EPM2A: variants seen among roughly 807,000 people sequenced by gnomAD.
EPM2A encodes laforin.
In EPM2A, 21 loss-of-function variants were observed where a neutral mutation model predicts 26.5. That is an observed-to-expected ratio of 0.79 (90% CI 0.56 to 1.14). The LOEUF is 1.14. EPM2A is among the 50% of genes most tolerant of loss of function. The probability of loss-of-function intolerance (pLI) is 0.00; values close to 1 mark genes in which losing one functional copy is unlikely to be tolerated. For missense variants in EPM2A, 458 were observed against 440.8 expected, an observed-to-expected ratio of 1.04 and a Z score of -0.35; for synonymous variants, 217 against 177.6, an observed-to-expected ratio of 1.22 and a Z score of -1.76.
intron 4 of EPM2A, among the ~76,000 whole-genome samples, chr6:145,475,977 C>T (rs1475762276): frequency 6.6e-6 from 1 of 151,864 alleles, no homozygotes; most frequent in Non-Finnish European, 1.5e-5. Flanking sequence ...AATCAAAAGA[C>T]AGAGACTGGT....
chr6:145,563,403 T>C (rs545375884), intron 2 of EPM2A, among the ~76,000 whole-genome samples: 1 of 151,812 alleles, frequency 6.6e-6, no homozygotes, highest in South Asian at 2.1e-4. Context: ...TGAAAGTCCT[T>C]GAATGTTTGA....
At chr6:145,579,499 A>G (rs980186005) in intron 2 of EPM2A, among the ~76,000 whole-genome samples, 1 of 152,234 alleles carries the variant, frequency 6.6e-6, no homozygotes, top group African/African-American at 2.4e-5. Flanking sequence ...TGAAATTAAC[A>G]TAGCTACTAC....
intron 2 of EPM2A, chr6:145,670,871 T>A (rs2128598904): frequency 5.1e-6 from 5 of 982,724 alleles, no homozygotes; most frequent in Middle Eastern, 5.2e-4. Context: ...CTTAGAGAAC[T>A]CTCACACGCC....
chr6:145,494,262 T>A (rs561788549), intron 4 of EPM2A, among the ~76,000 whole-genome samples: 6 of 152,312 alleles, frequency 3.9e-5, no homozygotes, highest in African/African-American at 1.4e-4. Flanking sequence ...GTTTCCAGTT[T>A]ATGTGTATAG....
chr6:145,661,885 A>C (rs1778735958), intron 2 of EPM2A, among the ~76,000 whole-genome samples: 1 of 152,148 alleles, frequency 6.6e-6, no homozygotes, highest in Non-Finnish European at 1.5e-5. Flanking sequence ...TTTCACATTC[A>C]CTGCATCTCT....
At chr6:145,474,455 C>T (rs572923893) in intron 4 of EPM2A, among the ~76,000 whole-genome samples, 2 of 152,088 alleles carry the variant, frequency 1.3e-5, no homozygotes, top group South Asian at 4.2e-4. Context: ...GAGAGAGACT[C>T]CATCTCAAAA....
At chr6:145,590,347 C>T (rs747801210) in intron 2 of EPM2A, among the ~76,000 whole-genome samples, 71 of 152,074 alleles carry the variant, frequency 4.7e-4, no homozygotes, top group South Asian at 1.5e-3. Context: ...AAAGATTTTA[C>T]CAGAGCCTAA....
chr6:145,440,955 C>G (rs1354045759), intron 4 of EPM2A, among the ~76,000 whole-genome samples: 1 of 152,192 alleles, frequency 6.6e-6, no homozygotes, highest in Non-Finnish European at 1.5e-5. Flanking sequence ...GATTGTGCCC[C>G]TCTTCTCACA....
intron 4 of EPM2A, among the ~76,000 whole-genome samples, chr6:145,465,649 T>A (rs1335159824): frequency 6.6e-6 from 1 of 151,808 alleles, no homozygotes; most frequent in Non-Finnish European, 1.5e-5. Context: ...GGGTTTTTGG[T>A]GTGGATGTCC....
intron 2 of EPM2A, among the ~76,000 whole-genome samples, chr6:145,673,134 A>G (rs2128601255): frequency 6.6e-6 from 1 of 152,320 alleles, no homozygotes; most frequent in Non-Finnish European, 1.5e-5. Flanking sequence ...TAAAATTAAA[A>G]AAAAAAACAA....
At chr6:145,677,880 T>A (rs1173053332) in intron 2 of EPM2A, among the ~76,000 whole-genome samples, 1 of 152,116 alleles carries the variant, frequency 6.6e-6, no homozygotes, top group African/African-American at 2.4e-5. Flanking sequence ...TTAAATGCCA[T>A]CCCCATCAAG....
chr6:145,643,678 T>C (rs1157133314), intron 2 of EPM2A, among the ~76,000 whole-genome samples: 1 of 152,076 alleles, frequency 6.6e-6, no homozygotes, highest in Non-Finnish European at 1.5e-5. Flanking sequence ...CAAAAATGAA[T>C]TTAGAAAACA....
chr6:145,591,915 T>C (rs1266884218), intron 2 of EPM2A, among the ~76,000 whole-genome samples: 1 of 151,792 alleles, frequency 6.6e-6, no homozygotes, highest in Non-Finnish European at 1.5e-5. Flanking sequence ...AAAAAGAAAC[T>C]GGGAATATTC....
chr6:145,523,047 T>C (rs1158917252), intron 2 of EPM2A, among the ~76,000 whole-genome samples: 1 of 152,202 alleles, frequency 6.6e-6, no homozygotes, highest in Non-Finnish European at 1.5e-5. Context: ...AAGCATCCTA[T>C]TCTTATCTAT....
intron 2 of EPM2A, among the ~76,000 whole-genome samples, chr6:145,685,053 T>C (rs1399628328): frequency 6.6e-6 from 1 of 152,176 alleles, no homozygotes; most frequent in African/African-American, 2.4e-5. Flanking sequence ...TGAGAATGCA[T>C]CTCCTTGTGT....
chr6:145,604,943 G>C (rs1373634538), intron 2 of EPM2A, among the ~76,000 whole-genome samples: 1 of 152,080 alleles, frequency 6.6e-6, no homozygotes, highest in Non-Finnish European at 1.5e-5. Context: ...TGGATGGTTT[G>C]CTAAAAAGAT....
Position 145,437,109 on chromosome 6 carries a change from C to G in EPM2A, c.556-53012G>C, listed in dbSNP as rs551758667. Among the ~76,000 whole-genome samples, 10 of 152,168 alleles carry G rather than the reference C, an allele frequency of 6.6e-5. No individual in the cohort carries two copies. In the East Asian group the frequency reaches 1.7e-3, roughly 26 times the overall value. ...CATCTCCACGTGTTGAAGGTAGGGC[C>G]TGGTGGGAGGTAACTGGATCATGGG... is the stretch of plus-strand genomic sequence containing the variant. On this transcript the variant is annotated intron_variant, in intron 4 of 4. Transcript: ENST00000638717.
intron 3 of EPM2A, chr6:145,628,058 TC>T: frequency 4.0e-6 from 1 of 247,194 alleles, no homozygotes; most frequent in Non-Finnish European, 7.8e-6. Context: ...TTTAGAGGAT[TC>T]AAAAAAAAAA....
At chr6:145,735,554 C>A, upstream of EPM2A, 1 of 1,130,304 alleles carries the variant, frequency 8.8e-7, no homozygotes, top group Non-Finnish European at 1.1e-6. Flanking sequence ...CCGGCAGGCG[C>A]GGCCCGAGCA....
Sources: gnomAD v4.1 joint callset for allele counts (sites outside exome capture counted in the v4.1 genomes callset) on GRCh38, gnomAD v4.1.1 for gene constraint, MANE v1.5 for transcripts, NCBI Gene and HGNC (gene_info 2026-07-23, HGNC 2026-07-21) for gene names.